Variants in SBF2 observed in about 807,000 individuals in gnomAD.
SBF2 encodes myotubularin-related protein 13.
A neutral mutation model predicts 225.2 loss-of-function variants in SBF2; 112 were observed. The observed-to-expected ratio is 0.50, with a 90% CI of 0.43 to 0.58. The LOEUF (loss-of-function observed/expected upper bound fraction) is 0.58, where lower values mean the gene tolerates loss of function less well. Ranked by LOEUF, SBF2 falls within the 20% of genes least tolerant of loss-of-function variation. The probability of loss-of-function intolerance (pLI) is 0.00; values close to 1 mark genes in which losing one functional copy is unlikely to be tolerated. For synonymous variants in SBF2, 763 were observed against 773.3 expected (o/e 0.99, Z 0.22); for missense variants, 1,996 against 2,206.2 (o/e 0.90, Z 1.91).
intron 1 of SBF2, among the ~76,000 whole-genome samples, chr11:10,228,782 T>C (rs1958690416): frequency 6.6e-6 from 1 of 152,214 alleles, no homozygotes; most frequent in Non-Finnish European, 1.5e-5. Flanking sequence ...TAAAATTCTT[T>C]TTTGTTGTGT....
intron 36 of SBF2, among the ~76,000 whole-genome samples, chr11:9,787,401 T>G (rs565322334): frequency 2.6e-4 from 40 of 152,284 alleles, no homozygotes; most frequent in Middle Eastern, 3.4e-3. Context: ...TTCCTTGGAT[T>G]CGGGGTGCTG....
chr11:10,242,779 T>G (rs776959719), intron 1 of SBF2, among the ~76,000 whole-genome samples: 7 of 151,508 alleles, frequency 4.6e-5, no homozygotes, highest in Non-Finnish European at 1.0e-4. Flanking sequence ...AAGGGAAAAC[T>G]GAATACAGGA....
At chr11:10,114,438 C>T (rs1210770143) in intron 2 of SBF2, among the ~76,000 whole-genome samples, 1 of 152,282 alleles carries the variant, frequency 6.6e-6, no homozygotes, top group East Asian at 1.9e-4. Context: ...CTCATTCTGT[C>T]TTCCATGTTC....
chr11:10,135,069 G>A (rs1041992534), intron 2 of SBF2, among the ~76,000 whole-genome samples: 15 of 152,360 alleles, frequency 9.8e-5, no homozygotes, highest in African/African-American at 3.6e-4. Context: ...CCTAGGTGGA[G>A]GTTCCCAAAC....
chr11:9,789,467 T>A, intron 34 of SBF2, 125 bp from the exon 35 acceptor site: 1 of 652,002 alleles, frequency 1.5e-6, no homozygotes, highest in Middle Eastern at 2.4e-4. Context: ...TCAAATACCA[T>A]ATTTCTAAAT....
At chr11:9,990,884 G>A (rs1005617605) in intron 12 of SBF2, among the ~76,000 whole-genome samples, 4 of 152,228 alleles carry the variant, frequency 2.6e-5, no homozygotes, top group African/African-American at 9.6e-5. Context: ...ATGAAGAACA[G>A]AGGAGGGCAC....
chr11:10,269,525 T>C (rs1323268391), intron 1 of SBF2, among the ~76,000 whole-genome samples: 1 of 152,226 alleles, frequency 6.6e-6, no homozygotes, highest in African/African-American at 2.4e-5. Context: ...GACCCGGCAG[T>C]TCCATTTCTA....
chr11:10,038,729 CCT>C (rs1949539983), intron 3 of SBF2, among the ~76,000 whole-genome samples: 1 of 151,838 alleles, frequency 6.6e-6, no homozygotes, highest in African/African-American at 2.4e-5. Context: ...AAATTCATTC[CCT>C]CTCTCTTTCT....
At chr11:10,239,185 C>T (rs1051622525) in intron 1 of SBF2, among the ~76,000 whole-genome samples, 3 of 150,292 alleles carry the variant, frequency 2.0e-5, no homozygotes, top group African/African-American at 7.3e-5. Flanking sequence ...GAATAAAATC[C>T]TTTTCAAGCT....
intron 2 of SBF2, among the ~76,000 whole-genome samples, chr11:10,176,721 T>C (rs562971470): frequency 2.6e-5 from 4 of 151,342 alleles, no homozygotes; most frequent in African/African-American, 4.9e-5. Context: ...CCAAAAAGAG[T>C]CCAGGACCAG....
At position 9,952,212 on chromosome 11, in the gene SBF2, G is replaced by A. The variant is rs533529343; in HGVS notation, c.1860+9745C>T. ...CCTCAACCAGACCTAGTATCTTCCA[G>A]GCCAATGACAGCCTCTCTCTCATAA... On this transcript the variant is annotated intron_variant, in intron 16 of 39. Coordinates refer to ENST00000256190, the MANE Select transcript of SBF2 (RefSeq NM_030962.4). 3.8e-3 allele frequency among the ~76,000 whole-genome samples: 577 copies of A among 151,628 alleles called. 4 individuals are homozygous for A. Among genetic ancestry groups the A allele is most frequent in the South Asian group, 5.4e-3 (26 of 4,788 alleles).
chr11:10,133,560 C>T lies in SBF2; in HGVS notation c.141+60342G>A, dbSNP rs538123322. ...GCCACTGGCCTGGGTGCTAAGTCCC[C>T]CATTGCCCAGGGCCAGCAGGGCTGC... On this transcript the variant is annotated intron_variant, in intron 2 of 39. Transcript: ENST00000256190. Among the ~76,000 whole-genome samples, 56 of 127,424 alleles carry T rather than the reference C, an allele frequency of 4.4e-4. 14 individuals are homozygous for T. The highest frequency in any genetic ancestry group is 6.7e-4 in the Non-Finnish European group (36 of 54,058). The allele number at this position is 127,424 out of a possible 152,430, so 83.6% of individuals were successfully genotyped here. A position where few individuals can be genotyped will look rare whatever the true frequency, so the allele number is the denominator to read the frequency against.
At chr11:9,815,694 A>T (rs1854422157) in intron 29 of SBF2, among the ~76,000 whole-genome samples, 1 of 152,142 alleles carries the variant, frequency 6.6e-6, no homozygotes, top group Admixed American at 6.5e-5. Flanking sequence ...TGAAGCATGG[A>T]AAGTCTGTGC....
chr11:10,196,855 T>TAGATATAC, intron 1 of SBF2, among the ~76,000 whole-genome samples: 1 of 33,954 alleles, frequency 2.9e-5, no homozygotes, highest in African/African-American at 8.0e-5. Context: ...TATATATATA[T>TAGATATAC]ATATATATAT....
intron 2 of SBF2, among the ~76,000 whole-genome samples, chr11:10,169,382 C>T (rs1956100638): frequency 6.6e-6 from 1 of 152,104 alleles, no homozygotes; most frequent in East Asian, 1.9e-4. Context: ...CTCTCTCTCT[C>T]TATGAGATCA....
chr11:10,075,255 G>A (rs1590897852), intron 2 of SBF2, among the ~76,000 whole-genome samples: 3 of 152,284 alleles, frequency 2.0e-5, no homozygotes, highest in South Asian at 4.1e-4. Flanking sequence ...CATCATTACT[G>A]TCAAGATTAA....
chr11:10,139,546 AGATAAGACAGGAGT>A (rs1244604928), intron 2 of SBF2, among the ~76,000 whole-genome samples: 1 of 152,242 alleles, frequency 6.6e-6, no homozygotes, highest in East Asian at 1.9e-4. Context: ...AATTTAAAGC[AGATAAGACAGGAGT>A]GACTGAGATA....
intron 16 of SBF2, among the ~76,000 whole-genome samples, chr11:9,902,201 A>G (rs1861775055): frequency 6.6e-6 from 1 of 152,132 alleles, no homozygotes; most frequent in Non-Finnish European, 1.5e-5. Flanking sequence ...CTAAAAAGAG[A>G]CATGTACCAT....
chr11:9,845,348 G>A (rs756327621), intron 24 of SBF2, among the ~76,000 whole-genome samples: 8 of 152,204 alleles, frequency 5.3e-5, no homozygotes, highest in Admixed American at 1.3e-4. Flanking sequence ...CAATGGACAT[G>A]ACAGTCAAAG....
Sources: gnomAD v4.1 joint callset for allele counts (sites outside exome capture counted in the v4.1 genomes callset) on GRCh38, gnomAD v4.1.1 for gene constraint, MANE v1.5 for transcripts, NCBI Gene and HGNC (gene_info 2026-07-23, HGNC 2026-07-21) for gene names.